Variants in PTGR1 observed in about 807,000 individuals in gnomAD.
The protein encoded by PTGR1 is 15-oxoprostaglandin 13-reductase.
Under a neutral mutation model 37.7 loss-of-function variants are expected in PTGR1, and 23 were observed. The observed-to-expected ratio is 0.61, with a 90% CI of 0.44 to 0.86. The LOEUF (loss-of-function observed/expected upper bound fraction) is 0.86, where lower values mean the gene tolerates loss of function less well. Ranked by LOEUF, PTGR1 falls within the 40% of genes least tolerant of loss-of-function variation. The pLI is 0.00. For synonymous variants in PTGR1, 134 were observed against 140.0 expected (o/e 0.96, Z 0.30); for missense variants, 351 against 394.3 (o/e 0.89, Z 0.93).
At position 111,592,978 on chromosome 9, in the gene PTGR1, C is replaced by T. The variant is rs771391006; in HGVS notation, c.157G>A (p.Ala53Thr). The T allele has an allele frequency of 8.6e-7, 1 of 1,159,036 alleles. No individual in the cohort carries two copies. 71.8% of individuals were successfully genotyped at this position (1,159,036 alleles called of 1,614,324 possible). Residue 53 changes from alanine to threonine, a missense_variant, in exon 4 of 10, where the codon GCA becomes ACA. Coordinates refer to ENST00000407693, the MANE Select transcript of PTGR1 (RefSeq NM_001146108.2). ...TCACCTTCCTTCAATCTTTTGGCTG[C>T]CACTCTGCAAAAAAAAAAAAAAAAA... ...FLTVDPYMRV[A>T]AKRLKEGDTM...
At chr9:111,553,694 G>T (rs1385682472) in intron 9 of PTGR1, among the ~76,000 whole-genome samples, 1 of 152,208 alleles carries the variant, frequency 6.6e-6, no homozygotes, top group Non-Finnish European at 1.5e-5. Context: ...AAAGTGAATT[G>T]TAGTTCTATC....
intron 3 of PTGR1, among the ~76,000 whole-genome samples, chr9:111,593,929 T>G (rs1463781215): frequency 6.6e-6 from 1 of 151,432 alleles, no homozygotes; most frequent in Admixed American, 6.6e-5. Context: ...GGTTTTTTTT[T>G]TCCTTCTTTT....
downstream of PTGR1, among the ~76,000 whole-genome samples, chr9:111,559,594 ACACT>A (rs886220641): frequency 8.7e-5 from 13 of 150,220 alleles, no homozygotes; most frequent in Admixed American, 2.6e-4. Context: ...CCACACACAC[ACACT>A]CACACACACA....
At position 111,579,578 on chromosome 9, in the gene PTGR1, C is replaced by G. The variant is rs568521766; in HGVS notation, c.496-627G>C. Among the ~76,000 whole-genome samples the G allele has an allele frequency of 3.3e-5, 5 of 152,018 alleles. No homozygotes were observed. The South Asian group carries it at 1.0e-3, about 32-fold the overall frequency. On this transcript the variant is annotated intron_variant, in intron 6 of 9. Coordinates refer to ENST00000407693, the MANE Select transcript of PTGR1 (RefSeq NM_001146108.2). Reference sequence around the variant, plus strand: ...TCTGGCCTTATATTTTTTAAATTTTCACAGAGACAGGGTCTCACTATATTG... The same window carrying G: ...TCTGGCCTTATATTTTTTAAATTTTGACAGAGACAGGGTCTCACTATATTG...
intron 7 of PTGR1, among the ~76,000 whole-genome samples, chr9:111,575,964 G>A (rs908139062): frequency 9.2e-5 from 14 of 151,892 alleles, no homozygotes; most frequent in Admixed American, 2.6e-4. Flanking sequence ...AGCCAGCCTG[G>A]GCAACATAGT....
rs747306935 is a variant in PTGR1 at position 111,574,827 on chromosome 9, A to T, written c.667T>A (p.Ser223Thr). Residue 223 changes from serine (S) to threonine (T), a missense_variant, in exon 8 of 10, where the codon TCA (serine) becomes ACA (threonine). Transcript: ENST00000407693. ...CYFDNVGGEF[S>T]NTVIGQMKKF... ...TTCATCTGGCCGATAACAGTGTTTG[A>T]AAACTCTCCACCTACCTAAACAGAT... 4 of 1,613,452 alleles carry T rather than the reference A, an allele frequency of 2.5e-6. No individual in the cohort carries two copies. The South Asian group carries it at 4.4e-5, about 18-fold the overall frequency.
chr9:111,583,322 T>C, intron 6 of PTGR1, 150 bp downstream of exon 6: 2 of 676,104 alleles, frequency 3.0e-6, no homozygotes, highest in Non-Finnish European at 5.2e-6. Context: ...TTGGTATAGT[T>C]TTCCCCATTC....
intron 2 of PTGR1, among the ~76,000 whole-genome samples, chr9:111,595,093 G>T (rs1388826024): frequency 2.6e-5 from 4 of 151,808 alleles, no homozygotes; most frequent in Non-Finnish European, 5.9e-5. Flanking sequence ...AACCTCAAGA[G>T]ATCTGCCCAC....
intron 6 of PTGR1, among the ~76,000 whole-genome samples, chr9:111,579,852 C>T (rs1480024340): frequency 1.3e-5 from 2 of 152,228 alleles, no homozygotes; most frequent in East Asian, 1.9e-4. Flanking sequence ...TTCAGGATGA[C>T]ACTACAGATT....
downstream of PTGR1, among the ~76,000 whole-genome samples, chr9:111,559,243 C>T (rs1589287399): frequency 6.6e-6 from 1 of 152,132 alleles, no homozygotes; most frequent in East Asian, 1.9e-4. Flanking sequence ...CACACCAGGC[C>T]ACCCCTTCAC....
At chr9:111,594,716 C>A (rs1415255967) in intron 2 of PTGR1, among the ~76,000 whole-genome samples, 2 of 151,334 alleles carry the variant, frequency 1.3e-5, no homozygotes, top group African/African-American at 4.9e-5. Flanking sequence ...CAACGCCCAG[C>A]TAATTTTTTG....
chr9:111,599,161 C>A (rs1256369409), intron 1 of PTGR1, among the ~76,000 whole-genome samples: 2 of 152,142 alleles, frequency 1.3e-5, no homozygotes, highest in Admixed American at 6.5e-5. Context: ...GAGGAGGGGG[C>A]CTGGCGCGGC....
chr9:111,593,415 GA>G (rs528540524), intron 3 of PTGR1, among the ~76,000 whole-genome samples: 2 of 152,072 alleles, frequency 1.3e-5, no homozygotes, highest in Non-Finnish European at 2.9e-5. Context: ...AATCAGCTAT[GA>G]AAAAAATGTA....
chr9:111,579,157 T>C (rs1183811479), intron 6 of PTGR1, among the ~76,000 whole-genome samples: 3 of 151,788 alleles, frequency 2.0e-5, no homozygotes, highest in Admixed American at 6.6e-5. Flanking sequence ...TCAGCTTGCT[T>C]CTGACCACCC....
At chr9:111,568,586 A>T (rs549331745) in intron 9 of PTGR1, among the ~76,000 whole-genome samples, 3 of 152,152 alleles carry the variant, frequency 2.0e-5, no homozygotes, top group Non-Finnish European at 4.4e-5. Context: ...CCTTTGAAGC[A>T]TGTGATCTTT....
chr9:111,589,917 G>A (rs1829557405), intron 4 of PTGR1, among the ~76,000 whole-genome samples: 1 of 152,198 alleles, frequency 6.6e-6, no homozygotes, highest in African/African-American at 2.4e-5. Flanking sequence ...TTGCAAGCGT[G>A]AGCCACTGCC....
intron 9 of PTGR1, among the ~76,000 whole-genome samples, chr9:111,569,034 G>C (rs1298366281): frequency 2.0e-5 from 3 of 152,234 alleles, no homozygotes; most frequent in African/African-American, 7.2e-5. Context: ...TGTTATAACT[G>C]AGATAGTAAA....
At chr9:111,586,783 C>A (rs1829441560) in intron 4 of PTGR1, among the ~76,000 whole-genome samples, 1 of 108,006 alleles carries the variant, frequency 9.3e-6, no homozygotes, top group Admixed American at 8.7e-5. Context: ...TACTTTTCCA[C>A]TCTCTCTCTC....
At chr9:111,571,540 G>A (rs1173657748) in intron 8 of PTGR1, among the ~76,000 whole-genome samples, 1 of 134,520 alleles carries the variant, frequency 7.4e-6, no homozygotes, top group Admixed American at 8.1e-5. Context: ...GTAAAGTGGT[G>A]CCATCACTGC....
Sources: gnomAD v4.1 joint callset for allele counts (sites outside exome capture counted in the v4.1 genomes callset) on GRCh38, gnomAD v4.1.1 for gene constraint, MANE v1.5 for transcripts, NCBI Gene and HGNC (gene_info 2026-07-23, HGNC 2026-07-21) for gene names.